HTT: variants seen among roughly 807,000 people sequenced by gnomAD.
HTT encodes huntingtin.
HTT carries 104 observed loss-of-function variants against 362.3 expected under a neutral mutation model. That is an observed-to-expected ratio of 0.29 (90% CI 0.24 to 0.34). The LOEUF (loss-of-function observed/expected upper bound fraction) is 0.34, where lower values mean the gene tolerates loss of function less well. HTT is among the 10% of genes least tolerant of loss of function. The probability of loss-of-function intolerance (pLI) is 1.00; values close to 1 mark genes in which losing one functional copy is unlikely to be tolerated. For missense variants in HTT, 3,301 were observed against 3,928.6 expected, an observed-to-expected ratio of 0.84 and a Z score of 4.27; for synonymous variants, 1,577 against 1,548.7, an observed-to-expected ratio of 1.02 and a Z score of -0.43.
intron 51 of HTT, 62 bp downstream of exon 51, chr4:3,215,273 CAG>C: frequency 2.2e-5 from 28 of 1,252,826 alleles, no homozygotes; most frequent in Non-Finnish European, 3.1e-5. Context: ...AAATCATTCA[CAG>C]AGACGTGCAC....
intron 33 of HTT, among the ~76,000 whole-genome samples, chr4:3,176,273 C>T (rs925471173): frequency 1.3e-5 from 2 of 152,074 alleles, no homozygotes; most frequent in African/African-American, 2.4e-5. Flanking sequence ...GTGATCTGCC[C>T]GCCTCGGCCT....
chr4:3,187,652 C>A lies in HTT; in HGVS notation c.4991C>A (p.Ala1664Glu). Reference protein sequence around the residue: ...RSMFVTPNTMASVSTVQLWIS... With the variant: ...RSMFVTPNTMESVSTVQLWIS... ...ACTTATGTATTATGTTTATTTTAGG[C>A]GTCCGTGAGCACTGTTCAACTGTGG... Residue 1664 changes from alanine (A) to glutamate (E), a missense_variant and splice_region_variant, in exon 39 of 67, where the codon GCG becomes GAG. By Grantham distance (107) the Ala-to-Glu change is moderately radical. This residue lies in a region of HTT where 2,316 missense variants were observed against 2,658.5 expected (regional missense o/e 0.87). Coordinates refer to ENST00000355072, the MANE Select transcript of HTT (RefSeq NM_001388492.1). The A allele has an allele frequency of 6.2e-7, 1 of 1,608,732 alleles. No homozygotes were observed. The highest frequency in any genetic ancestry group is 1.7e-5 in the Admixed American group (1 of 59,848).
At chr4:3,182,785 C>T (rs1189990277) in intron 37 of HTT, among the ~76,000 whole-genome samples, 1 of 152,224 alleles carries the variant, frequency 6.6e-6, no homozygotes, top group Non-Finnish European at 1.5e-5. Flanking sequence ...TTACCTCCTA[C>T]ACTGCCTCCT....
At chr4:3,140,996 TTC>T (rs1716319296) in intron 22 of HTT, among the ~76,000 whole-genome samples, 1 of 152,260 alleles carries the variant, frequency 6.6e-6, no homozygotes, top group Admixed American at 6.5e-5. Flanking sequence ...GAGGATTGTA[TTC>T]TATCATGCCT....
chr4:3,091,332 C>T (rs960953775), intron 2 of HTT, among the ~76,000 whole-genome samples: 1 of 151,902 alleles, frequency 6.6e-6, no homozygotes. Context: ...ATATCTCTAC[C>T]TCATATTGCA....
intron 3 of HTT, 152 bp from the exon 4 acceptor site, chr4:3,103,672 A>G (rs1702730866): frequency 3.4e-6 from 2 of 592,466 alleles, no homozygotes; most frequent in African/African-American, 3.7e-5. Flanking sequence ...TCCTGCATAT[A>G]TTTGTTTCTT....
chr4:3,187,833 A>G lies in HTT; in HGVS notation c.5172A>G (p.Glu1724=). 1 of 1,613,502 alleles carries G rather than the reference A, an allele frequency of 6.2e-7. No individual in the cohort carries two copies. The highest frequency in any genetic ancestry group is 8.5e-7 in the Non-Finnish European group (1 of 1,179,434). ...ATGGGGACAGTACTTCAACGCTAGA[A>G]GAACACAGTGAAGGGAAACAAATAA... is the stretch of plus-strand genomic sequence containing the variant. ...LRDGDSTSTL[E]EHSEGKQIKN... The change falls in exon 39 of 67, where the codon GAA becomes GAG. Residue 1724 remains glutamate (E), a synonymous_variant. Coordinates refer to ENST00000355072, the MANE Select transcript of HTT (RefSeq NM_001388492.1).
At chr4:3,136,951 C>T (rs2110194291) in intron 21 of HTT, among the ~76,000 whole-genome samples, 1 of 151,004 alleles carries the variant, frequency 6.6e-6, no homozygotes. Flanking sequence ...AGACAGAGTC[C>T]TGCTCTATTG....
chr4:3,241,304 T>C lies in HTT; in HGVS notation c.*1245T>C, dbSNP rs1721790459. The C allele has an allele frequency of 6.6e-6, 1 of 152,300 alleles. No homozygotes were observed. Among genetic ancestry groups the C allele is most frequent in the African/African-American group, 2.4e-5 (1 of 41,420 alleles). The allele number at this position is 152,300 out of a possible 1,614,324, so 9.4% of individuals were successfully genotyped here. ...CGGTGACCCCTTTTAGTCAGGAGAG[T>C]GCAGATCTGTGCTCATCGGAGACTG... On this transcript the variant is annotated 3_prime_UTR_variant, in exon 67 of 67. Coordinates refer to ENST00000355072, the MANE Select transcript of HTT (RefSeq NM_001388492.1).
At chr4:3,155,381 C>G (rs1187083646) in intron 27 of HTT, among the ~76,000 whole-genome samples, 1 of 150,396 alleles carries the variant, frequency 6.6e-6, no homozygotes, top group Non-Finnish European at 1.5e-5. Context: ...ACCACCACAC[C>G]TGGCTAATTT....
rs570452073 is a variant in HTT at position 3,204,033 on chromosome 4, T to C, written c.5603T>C (p.Leu1868Ser). 6.2e-7 allele frequency: 1 copy of C among 1,614,196 alleles called. No homozygotes were observed. The highest frequency in any genetic ancestry group is 1.7e-5 in the Admixed American group (1 of 60,022). ...PKRHSLSSTK[L>S]LSPQMSGEEE... ...AGACACAGTCTGTCCAGCACAAAGT[T>C]ACTTAGTCCCCAGATGTCTGGAGAA... The change falls in exon 42 of 67, where the codon TTA (leucine) becomes TCA (serine). Residue 1868 changes from leucine to serine, a missense_variant. Physicochemically the swap from Leu to Ser is moderately radical, Grantham distance 145. Around this residue, in one of 4 missense-constraint regions of HTT, gnomAD observed 2,316 missense variants for 2,658.5 expected, o/e 0.87. Coordinates refer to ENST00000355072, the MANE Select transcript of HTT (RefSeq NM_001388492.1).
chr4:3,118,455 A>G (rs2110174733), intron 8 of HTT, among the ~76,000 whole-genome samples: 1 of 152,260 alleles, frequency 6.6e-6, no homozygotes, highest in South Asian at 2.1e-4. Context: ...GTGGAATCTG[A>G]CCCGGCACAG....
Position 3,218,017 on chromosome 4 carries a change from G to T in HTT, c.7242+65G>T. On this transcript the variant is annotated intron_variant, in intron 52 of 66. Coordinates refer to ENST00000355072, the MANE Select transcript of HTT (RefSeq NM_001388492.1). This position sits in a 1 kb window ranked among gnomAD's most constrained non-coding sequence, Gnocchi z 4.4. ...AAAGGCACCGGTAGGCCCTGGGCTG[G>T]GCACACGTGAGAGGGCGGGACAGAA... is the stretch of plus-strand genomic sequence containing the variant. 1 of 1,395,504 alleles carries T rather than the reference G, an allele frequency of 7.2e-7. No individual in the cohort carries two copies. The highest frequency in any genetic ancestry group is 1.3e-5 in the South Asian group (1 of 74,662). The allele number at this position is 1,395,504 out of a possible 1,614,324, so 86.4% of individuals were successfully genotyped here.
intron 3 of HTT, among the ~76,000 whole-genome samples, chr4:3,102,416 A>T (rs779283410): frequency 6.6e-6 from 1 of 152,252 alleles, no homozygotes; most frequent in Non-Finnish European, 1.5e-5. Context: ...AAGGTTTGAT[A>T]AGGCTTCTAG....
At chr4:3,076,419 C>T (rs1712554010) in intron 1 of HTT, among the ~76,000 whole-genome samples, 1 of 152,210 alleles carries the variant, frequency 6.6e-6, no homozygotes, top group African/African-American at 2.4e-5. Flanking sequence ...TGTTATGATC[C>T]TTGTCTCGTC....
Position 3,145,909 on chromosome 4 carries a change from C to T in HTT, c.3143+681C>T, listed in dbSNP as rs572454860. Among the ~76,000 whole-genome samples, 6 of 152,298 alleles carry T rather than the reference C, an allele frequency of 3.9e-5. No individual in the cohort carries two copies. In the South Asian group the frequency reaches 6.2e-4, roughly 16 times the overall value. ...TCCTCACATACAGACTGAGCAGCTA[C>T]GGTTTCTAATCATAGGTCTGGCACT... On this transcript the variant is annotated intron_variant, in intron 24 of 66. Coordinates refer to ENST00000355072, the MANE Select transcript of HTT (RefSeq NM_001388492.1).
intron 35 of HTT, among the ~76,000 whole-genome samples, chr4:3,179,603 A>G (rs574977311): frequency 4.8e-5 from 7 of 144,408 alleles, no homozygotes; most frequent in African/African-American, 1.3e-4. Flanking sequence ...GTGTGTGTGT[A>G]CGTGTGTGTG....
intron 22 of HTT, 133 bp downstream of exon 22, chr4:3,140,789 T>C: frequency 1.3e-6 from 1 of 765,704 alleles, no homozygotes; most frequent in Non-Finnish European, 2.1e-6. Flanking sequence ...TGTAGGTCAG[T>C]CCTTTGATAG....
At chr4:3,088,708 C>T (rs1285000755) in intron 2 of HTT, among the ~76,000 whole-genome samples, 1 of 152,054 alleles carries the variant, frequency 6.6e-6, no homozygotes, top group Non-Finnish European at 1.5e-5. Flanking sequence ...GCTCTGGAGA[C>T]CTCATGTAAG....
Sources: allele counts gnomAD v4.1 joint callset (sites outside exome capture counted in the v4.1 genomes callset), GRCh38; gene constraint gnomAD v4.1.1; regional missense constraint gnomAD v4.1.1; non-coding constraint Gnocchi (gnomAD v3.1); transcripts MANE v1.5; gene names NCBI Gene and HGNC (gene_info 2026-07-23, HGNC 2026-07-21).